Variants in PCSK6 observed in about 807,000 individuals in gnomAD.
PCSK6 encodes the protein paired basic amino acid cleaving enzyme 4.
Under a neutral mutation model 123.3 loss-of-function variants are expected in PCSK6, and 85 were observed. The observed-to-expected ratio is 0.69, with a 90% CI of 0.58 to 0.83. The LOEUF is 0.83. Ranked by LOEUF, PCSK6 falls within the 40% of genes least tolerant of loss-of-function variation. The pLI is 0.00. For synonymous variants in PCSK6, 508 were observed against 516.0 expected (o/e 0.98, Z 0.21); for missense variants, 1,191 against 1,282.3 (o/e 0.93, Z 1.09).
At chr15:101,351,309 G>A (rs1459008489) in intron 13 of PCSK6, among the ~76,000 whole-genome samples, 1 of 152,242 alleles carries the variant, frequency 6.6e-6, no homozygotes, top group Non-Finnish European at 1.5e-5. Context: ...TTTCATGTCT[G>A]TAGGTATTAC....
chr15:101,479,503 G>C (rs576918879), intron 1 of PCSK6, among the ~76,000 whole-genome samples: 15 of 152,332 alleles, frequency 9.8e-5, no homozygotes, highest in Admixed American at 8.5e-4. Flanking sequence ...TGAGTGAGCA[G>C]GCCCGGCCTC....
chr15:101,442,164 C>T (rs1019777277), intron 2 of PCSK6, among the ~76,000 whole-genome samples: 1 of 152,204 alleles, frequency 6.6e-6, no homozygotes, highest in Non-Finnish European at 1.5e-5. Flanking sequence ...TAGACGTAAT[C>T]TCACCCCCAT....
intron 2 of PCSK6, among the ~76,000 whole-genome samples, chr15:101,436,718 G>C (rs546501919): frequency 4.6e-5 from 7 of 152,168 alleles, no homozygotes; most frequent in South Asian, 2.1e-4. Context: ...GGCTGGGACC[G>C]GTCCCTCTCT....
intron 2 of PCSK6, among the ~76,000 whole-genome samples, chr15:101,439,537 C>T (rs2056699066): frequency 6.6e-6 from 1 of 152,234 alleles, no homozygotes; most frequent in East Asian, 1.9e-4. Flanking sequence ...AGCTGCCTGG[C>T]CCTGCCCTCA....
At chr15:101,387,862 CA>C (rs2042113757) in intron 9 of PCSK6, among the ~76,000 whole-genome samples, 1 of 152,258 alleles carries the variant, frequency 6.6e-6, no homozygotes, top group Non-Finnish European at 1.5e-5. Context: ...CACAGGTTTT[CA>C]AATTCCCAGA....
At chr15:101,390,624 G>A (rs2042205996) in intron 8 of PCSK6, among the ~76,000 whole-genome samples, 1 of 152,134 alleles carries the variant, frequency 6.6e-6, no homozygotes, top group African/African-American at 2.4e-5. Flanking sequence ...GCTGAGAACG[G>A]GCCCCAGCTG....
At chr15:101,438,491 G>A (rs961963371) in intron 2 of PCSK6, among the ~76,000 whole-genome samples, 4 of 152,218 alleles carry the variant, frequency 2.6e-5, no homozygotes, top group African/African-American at 9.6e-5. Context: ...GGGAGTAAAA[G>A]CAAATGATAT....
At chr15:101,326,314 G>T in intron 16 of PCSK6, 63 bp downstream of exon 16, 1 of 1,287,806 alleles carries the variant, frequency 7.8e-7, no homozygotes, top group Non-Finnish European at 1.1e-6. Flanking sequence ...GACATGGAGG[G>T]GCTAAGGATA....
At position 101,392,593 on chromosome 15, in the gene PCSK6, C is replaced by CTTTTTTTTTTTTTTTTTTTTTT. The variant is rs10525638; in HGVS notation, c.1209+618_1209+619insAAAAAAAAAAAAAAAAAAAAAA. On this transcript the variant is annotated intron_variant, in intron 8 of 21. Transcript: ENST00000611716. Reference sequence around the variant, plus strand: ...TTTGAACTGGAAACCCTCCCTTCCTCTTTTTTTTTTTTTTTTTAAGTAGGA... The same window carrying CTTTTTTTTTTTTTTTTTTTTTT: ...TTTGAACTGGAAACCCTCCCTTCCTCTTTTTTTTTTTTTTTTTTTTTTTTTTTTTTTTTTTTTTTAAGTAGGA... Among the ~76,000 whole-genome samples, 175 of 122,308 alleles carry CTTTTTTTTTTTTTTTTTTTTTT rather than the reference C, an allele frequency of 1.4e-3. 13 individuals carry two copies. The highest frequency in any genetic ancestry group is 4.9e-3 in the African/African-American group (150 of 30,406). 80.2% of individuals were successfully genotyped at this position (122,308 alleles called of 152,430 possible).
intron 13 of PCSK6, chr15:101,365,946 T>G (rs1596239710): frequency 9.0e-6 from 3 of 332,308 alleles, no homozygotes; most frequent in South Asian, 7.6e-5. Context: ...GGGTATGGGG[T>G]TTCTTTTTGT....
At chr15:101,412,850 T>C (rs2055744736) in intron 6 of PCSK6, among the ~76,000 whole-genome samples, 1 of 149,858 alleles carries the variant, frequency 6.7e-6, no homozygotes, top group African/African-American at 2.5e-5. Context: ...GGGCCAGGAG[T>C]GGTGGCTCAC....
intron 1 of PCSK6, among the ~76,000 whole-genome samples, chr15:101,480,657 G>A (rs959425813): frequency 1.3e-5 from 2 of 152,228 alleles, no homozygotes; most frequent in African/African-American, 4.8e-5. Context: ...TGGGATGATG[G>A]GACCCGCAGG....
At chr15:101,342,276 C>T (rs1412686932) in intron 13 of PCSK6, among the ~76,000 whole-genome samples, 1 of 151,912 alleles carries the variant, frequency 6.6e-6, no homozygotes, top group African/African-American at 2.4e-5. Flanking sequence ...TGGAATTACA[C>T]TGTTATTAGA....
Position 101,408,082 on chromosome 15 carries a change from G to A in PCSK6, c.824-9506C>T, listed in dbSNP as rs138093159. Among the ~76,000 whole-genome samples, 943 of 152,286 alleles carry A rather than the reference G, an allele frequency of 6.2e-3. 6 individuals are homozygous for A. Among genetic ancestry groups the A allele is most frequent in the South Asian group, 0.026 (126 of 4,814 alleles). ...CACACACAGGAAGCCAGTGAGAGCCGGCAGCTTGGGATGCAGGACAGGACA... is the reference window on the plus strand; with the variant it reads ...CACACACAGGAAGCCAGTGAGAGCCAGCAGCTTGGGATGCAGGACAGGACA... On this transcript the variant is annotated intron_variant, in intron 6 of 21. Coordinates refer to ENST00000611716, the MANE Select transcript of PCSK6 (RefSeq NM_002570.5).
intron 2 of PCSK6, among the ~76,000 whole-genome samples, chr15:101,441,904 C>T (rs2141147993): frequency 6.6e-6 from 1 of 152,276 alleles, no homozygotes; most frequent in Middle Eastern, 3.4e-3. Context: ...CGACCTCTTT[C>T]CTAGCTTAGA....
chr15:101,396,446 C>CT (rs2042415691), intron 7 of PCSK6, among the ~76,000 whole-genome samples: 9 of 152,312 alleles, frequency 5.9e-5, no homozygotes, highest in African/African-American at 2.2e-4. Flanking sequence ...AAATGACAGA[C>CT]GCTCAGCAGG....
At chr15:101,473,136 A>T (rs1378263946) in intron 1 of PCSK6, among the ~76,000 whole-genome samples, 1 of 152,208 alleles carries the variant, frequency 6.6e-6, no homozygotes, top group Non-Finnish European at 1.5e-5. Context: ...GTGCAGTGGC[A>T]TGATCATAGC....
At chr15:101,389,380 T>TA in intron 9 of PCSK6, 84 bp downstream of exon 9, 1 of 1,050,900 alleles carries the variant, frequency 9.5e-7, no homozygotes, top group East Asian at 2.4e-5. Flanking sequence ...TCCACTTCAA[T>TA]AGGGTGAAAA....
chr15:101,359,932 T>C (rs1016644371), intron 13 of PCSK6, among the ~76,000 whole-genome samples: 4 of 152,232 alleles, frequency 2.6e-5, no homozygotes, highest in Non-Finnish European at 5.9e-5. Context: ...CCTGGACTTG[T>C]GTAAGTATCT....
Sources: allele counts gnomAD v4.1 joint callset (sites outside exome capture counted in the v4.1 genomes callset), GRCh38; gene constraint gnomAD v4.1.1; transcripts MANE v1.5; gene names NCBI Gene and HGNC (gene_info 2026-07-23, HGNC 2026-07-21).